PABPC4L: variants seen among roughly 807,000 people sequenced by gnomAD.
The protein encoded by PABPC4L is polyadenylate-binding protein 4-like.
For missense variants in PABPC4L, 452 were observed against 451.4 expected (o/e 1.00, Z -0.01); for synonymous variants, 169 against 164.1 (o/e 1.03, Z -0.23).
At chr4:134,062,570 G>A in the PABPC4L span, among the ~76,000 whole-genome samples, 1 of 151,950 alleles carries the variant, frequency 6.6e-6, no homozygotes, top group Non-Finnish European at 1.5e-5. Flanking sequence ...TAGTAAGAAA[G>A]CAGCAGAGAA....
chr4:134,030,799 G>A, the PABPC4L span, among the ~76,000 whole-genome samples: 2 of 151,930 alleles, frequency 1.3e-5, no homozygotes, highest in East Asian at 1.9e-4. Context: ...AAATAGAAGA[G>A]ATTAATAATA....
At chr4:134,195,766 G>A (rs1729636202), downstream of PABPC4L, among the ~76,000 whole-genome samples, 1 of 151,548 alleles carries the variant, frequency 6.6e-6, no homozygotes, top group Non-Finnish European at 1.5e-5. Context: ...AAGACCATGA[G>A]ACAAAACCAA....
chr4:133,973,068 C>T, the PABPC4L span, among the ~76,000 whole-genome samples: 2 of 152,110 alleles, frequency 1.3e-5, no homozygotes, highest in Non-Finnish European at 2.9e-5. Flanking sequence ...AATTTCCCTA[C>T]ATGTAAGATA....
the PABPC4L span, among the ~76,000 whole-genome samples, chr4:134,062,337 C>T: frequency 6.6e-6 from 1 of 151,894 alleles, no homozygotes; most frequent in Non-Finnish European, 1.5e-5. Flanking sequence ...TATTCATTTC[C>T]TAATCCTGTT....
At chr4:134,141,591 A>G in the PABPC4L span, among the ~76,000 whole-genome samples, 7 of 151,468 alleles carry the variant, frequency 4.6e-5, no homozygotes, top group Non-Finnish European at 8.9e-5. Flanking sequence ...TGTTATTGTT[A>G]AAGTTTTACA....
the PABPC4L span, among the ~76,000 whole-genome samples, chr4:134,045,358 C>T: frequency 6.6e-6 from 1 of 152,216 alleles, no homozygotes; most frequent in South Asian, 2.1e-4. Flanking sequence ...TCTCCTGTTC[C>T]TACATTTCGG....
chr4:134,185,094 T>C, the PABPC4L span, among the ~76,000 whole-genome samples: 6 of 152,028 alleles, frequency 3.9e-5, no homozygotes, highest in South Asian at 2.1e-4. Flanking sequence ...TCTTTCTCAT[T>C]GTGTAACTTG....
At chr4:134,138,812 C>T in the PABPC4L span, among the ~76,000 whole-genome samples, 2 of 151,718 alleles carry the variant, frequency 1.3e-5, no homozygotes, top group Non-Finnish European at 3.0e-5. Flanking sequence ...AACTCTTTTT[C>T]AAGGAAGATA....
At chr4:134,055,193 G>T in the PABPC4L span, among the ~76,000 whole-genome samples, 28,434 of 151,814 alleles carry the variant, frequency 0.19, 3,293 homozygotes, top group Admixed American at 0.25. Flanking sequence ...ACTTTATTTG[G>T]AGATAAATAT....
At chr4:134,095,135 C>G in the PABPC4L span, among the ~76,000 whole-genome samples, 1 of 151,648 alleles carries the variant, frequency 6.6e-6, no homozygotes, top group Non-Finnish European at 1.5e-5. Flanking sequence ...AATAAACATG[C>G]TTTTACTTCT....
the PABPC4L span, among the ~76,000 whole-genome samples, chr4:134,181,619 A>G: frequency 6.6e-6 from 1 of 152,066 alleles, no homozygotes; most frequent in African/African-American, 2.4e-5. Context: ...TACCTAGAAA[A>G]CACCATAGTC....
the PABPC4L span, among the ~76,000 whole-genome samples, chr4:134,163,711 A>G: frequency 6.6e-6 from 1 of 152,188 alleles, no homozygotes; most frequent in Non-Finnish European, 1.5e-5. Flanking sequence ...AATAAATGTG[A>G]TTCATCACAC....
chr4:133,983,360 C>T, the PABPC4L span, among the ~76,000 whole-genome samples: 1 of 151,590 alleles, frequency 6.6e-6, no homozygotes, highest in Non-Finnish European at 1.5e-5. Context: ...CTCAATTGGC[C>T]CCTTTCTGGT....
chr4:134,052,452 T>A, the PABPC4L span, among the ~76,000 whole-genome samples: 1 of 152,192 alleles, frequency 6.6e-6, no homozygotes, highest in South Asian at 2.1e-4. Flanking sequence ...CATTATTAAT[T>A]ATTTTAATAA....
At chr4:134,097,054 T>A in the PABPC4L span, among the ~76,000 whole-genome samples, 2 of 151,958 alleles carry the variant, frequency 1.3e-5, no homozygotes, top group East Asian at 3.9e-4. Flanking sequence ...TAGTGTGTAA[T>A]TGTTTTATTA....
chr4:134,002,225 G>T, the PABPC4L span, among the ~76,000 whole-genome samples: 1 of 151,746 alleles, frequency 6.6e-6, no homozygotes, highest in African/African-American at 2.4e-5. Context: ...AAAAACTCAT[G>T]CTTCTTTTAT....
chr4:133,998,148 C>A, the PABPC4L span, among the ~76,000 whole-genome samples: 4 of 151,472 alleles, frequency 2.6e-5, no homozygotes, highest in Non-Finnish European at 5.9e-5. Context: ...TTATTTGAAA[C>A]CTTTTCCTAT....
At chr4:134,038,072 G>T in the PABPC4L span, among the ~76,000 whole-genome samples, 1 of 152,092 alleles carries the variant, frequency 6.6e-6, no homozygotes, top group Non-Finnish European at 1.5e-5. Context: ...TGCATCTATT[G>T]AGATAATTAT....
chr4:134,171,335 C>T, the PABPC4L span, among the ~76,000 whole-genome samples: 3 of 152,068 alleles, frequency 2.0e-5, no homozygotes, highest in Admixed American at 6.6e-5. Flanking sequence ...AGGTTGGTCT[C>T]GAACTCCTAA....
Sources: gnomAD v4.1 joint callset for allele counts (sites outside exome capture counted in the v4.1 genomes callset) on GRCh38, gnomAD v4.1.1 for gene constraint, MANE v1.5 for transcripts, NCBI Gene and HGNC (gene_info 2026-07-23, HGNC 2026-07-21) for gene names.